Variants in ADAMTS12 observed in about 807,000 individuals in gnomAD.
The protein encoded by ADAMTS12 is ADAM metallopeptidase with thrombospondin type 1 motif 12.
ADAMTS12 carries 118 observed loss-of-function variants against 167.8 expected under a neutral mutation model. That is an observed-to-expected ratio of 0.70 (90% CI 0.61 to 0.82). ADAMTS12 has a LOEUF of 0.82. Among genes scored for constraint, ADAMTS12 ranks in the 40% least tolerant of loss-of-function variants. The pLI, the probability that ADAMTS12 is intolerant of heterozygous loss-of-function variation, is 0.00. For missense variants in ADAMTS12, 1,916 were observed against 1,998.8 expected (o/e 0.96, Z 0.79); for synonymous variants, 704 against 716.9 (o/e 0.98, Z 0.29).
In ADAMTS12 at chr5:33,546,386, A is replaced by AG. The variant is rs997539843; in HGVS notation, c.4303-185dup. On this transcript the variant is annotated intron_variant, in intron 21 of 23. Coordinates refer to ENST00000504830, the MANE Select transcript of ADAMTS12 (RefSeq NM_030955.4). The stretch of plus-strand genomic sequence containing the variant: ...GACCACTCACTATTTAAAAAAAAAA[A>AG]GGGGGGGAAACAAGAATTAAAGAGA... 5.9e-5 allele frequency among the ~76,000 whole-genome samples: 9 copies of AG among 151,282 alleles called. No homozygotes were observed. In the East Asian group the frequency reaches 9.7e-4, roughly 16 times the overall value.
At chr5:33,777,950 T>C (rs536303935) in intron 2 of ADAMTS12, among the ~76,000 whole-genome samples, 2 of 151,870 alleles carry the variant, frequency 1.3e-5, no homozygotes, top group Admixed American at 6.6e-5. Context: ...ATAAAATAAT[T>C]AGAAATAAAT....
chr5:33,600,995 G>C (rs1302705970), intron 16 of ADAMTS12, among the ~76,000 whole-genome samples: 1 of 151,886 alleles, frequency 6.6e-6, no homozygotes, highest in Non-Finnish European at 1.5e-5. Flanking sequence ...TGGCTCTCTA[G>C]GTTTCTTCAC....
chr5:33,775,777 C>T (rs1440526042), intron 2 of ADAMTS12, among the ~76,000 whole-genome samples: 3 of 152,126 alleles, frequency 2.0e-5, no homozygotes, highest in African/African-American at 7.2e-5. Flanking sequence ...GTGCTGGGAT[C>T]TGAGTGTTTG....
At chr5:33,798,261 G>A (rs1032001129) in intron 2 of ADAMTS12, among the ~76,000 whole-genome samples, 1 of 151,336 alleles carries the variant, frequency 6.6e-6, no homozygotes, top group African/African-American at 2.4e-5. Flanking sequence ...CACAGACTGG[G>A]TGGCTTAAAC....
intron 20 of ADAMTS12, among the ~76,000 whole-genome samples, chr5:33,557,855 C>T (rs256638): frequency 0.28 from 42,228 of 151,906 alleles, 7,035 homozygotes; most frequent in East Asian, 0.59. Context: ...CTGAGCTCGA[C>T]CTCCTGTCAG....
chr5:33,823,352 C>T (rs936886617), intron 2 of ADAMTS12, among the ~76,000 whole-genome samples: 7 of 152,180 alleles, frequency 4.6e-5, no homozygotes, highest in Admixed American at 2.0e-4. Context: ...ACTTTCACAA[C>T]GAATTATGCC....
At chr5:33,645,022 A>G (rs562017401) in intron 9 of ADAMTS12, among the ~76,000 whole-genome samples, 6 of 151,964 alleles carry the variant, frequency 3.9e-5, no homozygotes, top group African/African-American at 1.4e-4. Context: ...AAGCCACCGT[A>G]CCCGGCCTAG....
intron 3 of ADAMTS12, among the ~76,000 whole-genome samples, chr5:33,703,102 A>T (rs148667974): frequency 1.3e-5 from 2 of 152,326 alleles, no homozygotes; most frequent in African/African-American, 4.8e-5. Flanking sequence ...TTTCACCAAT[A>T]AAACCATTTC....
intron 1 of ADAMTS12, among the ~76,000 whole-genome samples, chr5:33,884,704 A>C (rs939138359): frequency 2.0e-5 from 3 of 152,204 alleles, no homozygotes; most frequent in Non-Finnish European, 4.4e-5. Context: ...ATCACCCTGC[A>C]AGTCCCACAC....
intron 19 of ADAMTS12, among the ~76,000 whole-genome samples, chr5:33,571,569 C>A (rs1746351255): frequency 6.6e-6 from 1 of 151,950 alleles, no homozygotes; most frequent in African/African-American, 2.4e-5. Context: ...ACACCACATA[C>A]CAGAATCTCT....
chr5:33,891,194 A>G (rs1163265755), intron 1 of ADAMTS12, among the ~76,000 whole-genome samples: 1 of 152,180 alleles, frequency 6.6e-6, no homozygotes, highest in Non-Finnish European at 1.5e-5. Context: ...ATGGAGGTAT[A>G]GTTCCCCCAA....
chr5:33,609,149 T>A (rs1396337599), intron 16 of ADAMTS12, among the ~76,000 whole-genome samples: 2 of 152,152 alleles, frequency 1.3e-5, no homozygotes, highest in Admixed American at 6.5e-5. Context: ...GTTGGAATAA[T>A]TGATTATTCC....
intron 3 of ADAMTS12, among the ~76,000 whole-genome samples, chr5:33,723,533 T>C (rs1351240099): frequency 6.6e-6 from 1 of 152,178 alleles, no homozygotes; most frequent in Non-Finnish European, 1.5e-5. Flanking sequence ...CAAGCACTAA[T>C]CTTAAATCAA....
chr5:33,771,695 G>T (rs1328666784), intron 2 of ADAMTS12, among the ~76,000 whole-genome samples: 1 of 151,908 alleles, frequency 6.6e-6, no homozygotes, highest in Non-Finnish European at 1.5e-5. Context: ...CATAGAAATG[G>T]TTAAGATGGT....
intron 2 of ADAMTS12, among the ~76,000 whole-genome samples, chr5:33,835,907 A>ATCTTCTCTCTCTC (rs1748488492): frequency 8.9e-6 from 1 of 111,858 alleles, no homozygotes; most frequent in African/African-American, 4.4e-5. Context: ...GATAATATCC[A>ATCTTCTCTCTCTC]TCTCTCTCTC....
At chr5:33,638,339 A>G (rs1740288672) in intron 11 of ADAMTS12, among the ~76,000 whole-genome samples, 1 of 152,230 alleles carries the variant, frequency 6.6e-6, no homozygotes, top group African/African-American at 2.4e-5. Flanking sequence ...TTTTAAAATC[A>G]CTAACAGCAT....
At chr5:33,801,616 A>G (rs1747012459) in intron 2 of ADAMTS12, among the ~76,000 whole-genome samples, 1 of 152,184 alleles carries the variant, frequency 6.6e-6, no homozygotes. Flanking sequence ...AAAAAACAAG[A>G]GCCTCAAAAC....
At chr5:33,889,063 C>T (rs184127072) in intron 1 of ADAMTS12, among the ~76,000 whole-genome samples, 28 of 152,256 alleles carry the variant, frequency 1.8e-4, no homozygotes, top group African/African-American at 6.5e-4. Flanking sequence ...GTGCAATTCC[C>T]TTTACCCTCC....
chr5:33,704,634 T>C (rs893446360), intron 3 of ADAMTS12, among the ~76,000 whole-genome samples: 1 of 152,216 alleles, frequency 6.6e-6, no homozygotes, highest in Non-Finnish European at 1.5e-5. Context: ...CTGATGGCCA[T>C]TTATATGCCT....
Sources: allele counts gnomAD v4.1 joint callset (sites outside exome capture counted in the v4.1 genomes callset), GRCh38; gene constraint gnomAD v4.1.1; transcripts MANE v1.5; gene names NCBI Gene and HGNC (gene_info 2026-07-23, HGNC 2026-07-21).